ZNF117: variants seen among roughly 807,000 people sequenced by gnomAD.
ZNF117 encodes the protein Krueppel-related zinc finger protein.
Under a neutral mutation model 41.2 loss-of-function variants are expected in ZNF117, and 37 were observed. The ratio of observed to expected loss-of-function variants is 0.90; its 90% CI spans 0.69 to 1.18. ZNF117 has a LOEUF of 1.18. ZNF117 is among the 50% of genes most tolerant of loss of function. The pLI, the probability that ZNF117 is intolerant of heterozygous loss-of-function variation, is 0.00. For missense variants in ZNF117, 546 were observed against 557.5 expected, an observed-to-expected ratio of 0.98 and a Z score of 0.21; for synonymous variants, 186 against 186.6, an observed-to-expected ratio of 1.00 and a Z score of 0.02.
At chr7:64,989,477 ATATATATATATATATATAT>A (rs1786210968) in intron 1 of ZNF117, among the ~76,000 whole-genome samples, 1 of 114,866 alleles carries the variant, frequency 8.7e-6, no homozygotes, top group Non-Finnish European at 1.8e-5. Flanking sequence ...ATATATATAT[ATATATATATATATATATAT>A]ATAAAACCTG....
chr7:64,982,241 G>T, upstream of ZNF117: 2 of 403,964 alleles, frequency 5.0e-6, no homozygotes, highest in Admixed American at 3.9e-5. Flanking sequence ...TTATAGGAGT[G>T]AATGAAACTA....
chr7:64,987,104 G>A (rs1026551272), upstream of ZNF117, among the ~76,000 whole-genome samples: 2 of 151,940 alleles, frequency 1.3e-5, no homozygotes, highest in African/African-American at 4.8e-5. Context: ...CACACACTCT[G>A]ACCACAACTT....
chr7:64,981,407 T>G (rs1786029919), exon 2 of ZNF117: 1 of 1,613,040 alleles, frequency 6.2e-7, no homozygotes, highest in Non-Finnish European at 8.5e-7. Context: ...AGCTACCATC[T>G]CATGTCTCTT....
At chr7:64,981,444 CCAGACAGG>C (rs1786031094) in exon 2 of ZNF117, 1 of 1,612,576 alleles carries the variant, frequency 6.2e-7, no homozygotes, top group Non-Finnish European at 8.5e-7. Flanking sequence ...TTTCCTTGCT[CCAGACAGG>C]TAATCAGGTC....
At chr7:64,981,825 T>A (rs1329666669) in intron 1 of ZNF117, among the ~76,000 whole-genome samples, 159 bp downstream of exon 2, 2 of 152,090 alleles carry the variant, frequency 1.3e-5, no homozygotes, top group East Asian at 3.9e-4. Flanking sequence ...AGATGAAACA[T>A]CTTGAATAAA....
chr7:64,982,182 AT>A, upstream of ZNF117: 1 of 562,944 alleles, frequency 1.8e-6, no homozygotes, highest in Non-Finnish European at 3.1e-6. Context: ...CATGGGCATA[AT>A]TTTAAATTTC....
exon 3 of ZNF117, chr7:64,976,646 C>T: frequency 3.8e-6 from 1 of 262,692 alleles, no homozygotes; most frequent in Non-Finnish European, 7.5e-6. Flanking sequence ...CTTCACACTT[C>T]TGGGAGTTTC....
chr7:64,990,986 G>A (rs1786249550), exon 1 of ZNF117: 2 of 403,292 alleles, frequency 5.0e-6, no homozygotes, highest in Non-Finnish European at 8.8e-6. Context: ...ACTTCAAGAG[G>A]AAGTAGCTCT....
exon 3 of ZNF117, chr7:64,978,168 G>C: frequency 6.2e-7 from 1 of 1,611,842 alleles, no homozygotes; most frequent in South Asian, 1.1e-5. Context: ...TTTCTCTTCA[G>C]TATGAATTAT....
exon 3 of ZNF117, chr7:64,977,249 A>C: frequency 2.4e-6 from 1 of 415,674 alleles, no homozygotes; most frequent in Non-Finnish European, 4.8e-6. Context: ...CTCCTGTATG[A>C]ATTTTTTTAT....
At chr7:64,974,333 A>C (rs1785832510), downstream of ZNF117, 1 of 151,934 alleles carries the variant, frequency 6.6e-6, no homozygotes, top group Admixed American at 6.5e-5. Flanking sequence ...TAGGTCTAGC[A>C]TGACTAACAG....
chr7:64,978,052 C>G (rs1004771301), exon 3 of ZNF117: 12 of 1,523,950 alleles, frequency 7.9e-6, no homozygotes, highest in African/African-American at 1.4e-5. Context: ...GAAGTTTTGC[C>G]ACATTCTTCA....
chr7:64,985,387 A>G (rs574159940), upstream of ZNF117, among the ~76,000 whole-genome samples: 1 of 152,322 alleles, frequency 6.6e-6, no homozygotes, highest in Admixed American at 6.5e-5. Flanking sequence ...TTTAGTCTTT[A>G]GCATTTTTTA....
exon 3 of ZNF117, chr7:64,977,430 G>C: frequency 2.2e-6 from 1 of 444,816 alleles, no homozygotes; most frequent in Non-Finnish European, 4.5e-6. Context: ...TTTCTTATGT[G>C]TAGTAAGTTT....
At chr7:64,976,491 T>C (rs1785890643) in exon 3 of ZNF117, 1 of 159,944 alleles carries the variant, frequency 6.3e-6, no homozygotes, top group South Asian at 1.8e-4. Context: ...ATTGCTTTTA[T>C]AATGCTTTTA....
exon 3 of ZNF117, chr7:64,975,987 C>G (rs747332778): frequency 6.6e-6 from 1 of 152,082 alleles, no homozygotes; most frequent in African/African-American, 2.4e-5. Context: ...CAGTTTTTCT[C>G]CAATATAAAC....
In ZNF117 at chr7:64,990,349, A is replaced by AAG. The variant is rs1786235750; in HGVS notation, c.-599_-598insCT. 1 of 168,262 alleles carries AAG rather than the reference A, an allele frequency of 5.9e-6. No homozygotes were observed. Among genetic ancestry groups the AAG allele is most frequent in the Non-Finnish European group, 1.3e-5 (1 of 78,744 alleles). 10.4% of individuals were successfully genotyped at this position (168,262 alleles called of 1,614,324 possible). On this transcript the variant is annotated 5_prime_UTR_variant, in exon 1 of 4. An upstream open reading frame in the 5' UTR loses its in-frame stop. Transcript: ENST00000282869. ...TGTTGTGGGAATCAGGAGGCCGGAG[A>AAG]GATCACTGGGTGCAACAGGAAGGTT... is the stretch of plus-strand genomic sequence containing the variant.
chr7:64,978,734 A>T lies in ZNF117; in HGVS notation c.837T>A (p.Cys279Ter), dbSNP rs559863858. 2 of 1,613,122 alleles carry T rather than the reference A, an allele frequency of 1.2e-6. No individual in the cohort carries two copies. Among genetic ancestry groups the T allele is most frequent in the South Asian group, 2.2e-5 (2 of 91,046 alleles). The change falls in exon 3 of 3, where the codon TGT becomes TGA. Residue 279 changes from cysteine to a stop codon, truncating the protein, a stop_gained. Coordinates refer to ENST00000620222, the Ensembl canonical transcript of ZNF117. LOFTEE classifies it high-confidence loss of function. ...GGTTAAAGGCTTTACCACATTCTTC[A>T]CATTTGTACAGCTTCTCTCCAGTAT...
chr7:64,982,714 A>G (rs1481578797), upstream of ZNF117, among the ~76,000 whole-genome samples: 1 of 152,166 alleles, frequency 6.6e-6, no homozygotes, highest in Non-Finnish European at 1.5e-5. Context: ...TCATTTTCCT[A>G]AGGCAGATAT....
Sources: gnomAD v4.1 joint callset for allele counts (sites outside exome capture counted in the v4.1 genomes callset) on GRCh38, gnomAD v4.1.1 for gene constraint, MANE v1.5 for transcripts, NCBI Gene and HGNC (gene_info 2026-07-23, HGNC 2026-07-21) for gene names.